The following USH2A variants were observed in gnomAD, a reference collection of about 807,000 sequenced individuals.
USH2A encodes the protein usherin.
A neutral mutation model predicts 538.9 loss-of-function variants in USH2A; 443 were observed. The ratio of observed to expected loss-of-function variants is 0.82; its 90% CI spans 0.76 to 0.89. USH2A has a LOEUF of 0.89. Ranked by LOEUF, USH2A falls within the 40% of genes least tolerant of loss-of-function variation. The pLI is 0.00. For synonymous variants in USH2A, 2,413 were observed against 2,273.5 expected, an observed-to-expected ratio of 1.06 and a Z score of -1.75; for missense variants, 6,633 against 6,324.8, an observed-to-expected ratio of 1.05 and a Z score of -1.65.
chr1:216,028,565 A>C (rs1669023049), intron 32 of USH2A, among the ~76,000 whole-genome samples: 1 of 152,194 alleles, frequency 6.6e-6, no homozygotes, highest in East Asian at 1.9e-4. Context: ...GCTGGAAAAT[A>C]TATCTAAATT....
chr1:215,876,614 G>C (rs1405503375), intron 43 of USH2A, among the ~76,000 whole-genome samples: 1 of 152,126 alleles, frequency 6.6e-6, no homozygotes, highest in African/African-American at 2.4e-5. Flanking sequence ...GTGGTGTTTA[G>C]ACAAGCAGTC....
chr1:215,813,740 T>C lies in USH2A; in HGVS notation c.9735A>G (p.Leu3245=), dbSNP rs1264688863. The C allele has an allele frequency of 6.2e-7, 1 of 1,613,816 alleles. No homozygotes were observed. The highest frequency in any genetic ancestry group is 8.5e-7 in the Non-Finnish European group (1 of 1,179,800). ...QCCSGYYARI[L]PGEVCCPDEQ... The stretch of plus-strand genomic sequence containing the variant: ...ACACCTGGAAATAACCCTCACCTGG[T>C]AGAATTCTAGCGTAATACCCAGAGC... The change falls in exon 49 of 72, where the codon CTA becomes CTG. Residue 3245 remains leucine, a synonymous_variant. Coordinates refer to ENST00000307340, the MANE Select transcript of USH2A (RefSeq NM_206933.4).
intron 21 of USH2A, among the ~76,000 whole-genome samples, chr1:216,154,541 T>G (rs2033901079): frequency 6.6e-6 from 1 of 152,192 alleles, no homozygotes; most frequent in Non-Finnish European, 1.5e-5. Context: ...AGATAAAAAT[T>G]TACATATATA....
intron 30 of USH2A, among the ~76,000 whole-genome samples, chr1:216,063,549 T>C (rs1368352022): frequency 1.3e-5 from 2 of 152,112 alleles, no homozygotes; most frequent in South Asian, 2.1e-4. Flanking sequence ...ATAGTACACA[T>C]TGGCAAGAAA....
chr1:216,274,385 A>G (rs1220683270), intron 11 of USH2A, among the ~76,000 whole-genome samples: 2 of 152,100 alleles, frequency 1.3e-5, no homozygotes, highest in African/African-American at 4.8e-5. Context: ...CAAAAAATCT[A>G]TATCTATATT....
intron 21 of USH2A, among the ~76,000 whole-genome samples, chr1:216,106,233 A>G (rs553627077): frequency 2.0e-4 from 30 of 147,434 alleles, no homozygotes; most frequent in Non-Finnish European, 1.0e-4. Context: ...TATATTAAAT[A>G]TATATTGTAT....
intron 47 of USH2A, among the ~76,000 whole-genome samples, chr1:215,837,753 C>G (rs977931888): frequency 3.9e-5 from 6 of 152,092 alleles, no homozygotes; most frequent in African/African-American, 1.4e-4. Context: ...CAAGTATTTG[C>G]TTACAGGTTA....
chr1:216,153,264 G>C (rs2033875233), intron 21 of USH2A, among the ~76,000 whole-genome samples: 1 of 152,176 alleles, frequency 6.6e-6, no homozygotes, highest in Non-Finnish European at 1.5e-5. Flanking sequence ...ACAGCTAAAA[G>C]GGCATTGTAA....
intron 64 of USH2A, among the ~76,000 whole-genome samples, chr1:215,661,830 C>T (rs1657445229): frequency 6.6e-6 from 1 of 152,166 alleles, no homozygotes; most frequent in South Asian, 2.1e-4. Context: ...ATAAGAGTGG[C>T]CTTTAGAGTT....
At chr1:215,751,769 G>A (rs1274691293) in intron 58 of USH2A, among the ~76,000 whole-genome samples, 2 of 152,060 alleles carry the variant, frequency 1.3e-5, no homozygotes, top group Non-Finnish European at 2.9e-5. Context: ...AATAATCTAA[G>A]GTTGTTTACA....
chr1:215,630,698 C>T (rs2102627596), intron 70 of USH2A, among the ~76,000 whole-genome samples: 1 of 150,840 alleles, frequency 6.6e-6, no homozygotes, highest in South Asian at 2.1e-4. Flanking sequence ...ACTAAAAATA[C>T]AAAAATTAGC....
chr1:216,246,824 C>CCA lies in USH2A; in HGVS notation c.2568_2569dup (p.Gly857ValfsTer17). 6.2e-7 allele frequency: 1 copy of CCA among 1,614,130 alleles called. No homozygotes were observed. The highest frequency in any genetic ancestry group is 8.5e-7 in the Non-Finnish European group (1 of 1,179,974). On this transcript the variant is annotated frameshift_variant, in exon 13 of 72. Transcript: ENST00000307340. LOFTEE classifies it high-confidence loss of function. ...TGTTGATTTGTTACACAGCAGAGAG[C>CCA]CATTTATTGTCCCAGTCTTATCACA...
chr1:215,714,955 C>A (rs183586299), intron 61 of USH2A, among the ~76,000 whole-genome samples: 1 of 152,140 alleles, frequency 6.6e-6, no homozygotes, highest in Non-Finnish European at 1.5e-5. Flanking sequence ...TAATATCATG[C>A]CCCAAATAGG....
At chr1:215,989,886 C>G (rs1441471146) in intron 35 of USH2A, among the ~76,000 whole-genome samples, 9 of 151,716 alleles carry the variant, frequency 5.9e-5, no homozygotes, top group Admixed American at 3.3e-4. Flanking sequence ...TAGTAAATAC[C>G]CAGGGGTATT....
rs190110177 is a variant in USH2A at position 216,022,401 on chromosome 1, A to G, written c.6326-21839T>C. Among the ~76,000 whole-genome samples, 19 of 152,260 alleles carry G rather than the reference A, an allele frequency of 1.2e-4. No homozygotes were observed. In the South Asian group the frequency reaches 1.9e-3, roughly 15 times the overall value. ...TTGTGAACAACGTGGGAGATAACCC[A>G]GCGAAAGCCCATGCACTGGAAAACA... On this transcript the variant is annotated intron_variant, in intron 32 of 71. Transcript: ENST00000307340.
intron 40 of USH2A, 93 bp downstream of exon 40, chr1:215,899,982 G>A: frequency 1.3e-6 from 2 of 1,572,118 alleles, no homozygotes; most frequent in South Asian, 2.2e-5. Context: ...AAGTAAATAA[G>A]GGAGGCTCAT....
intron 4 of USH2A, among the ~76,000 whole-genome samples, chr1:216,329,670 C>T (rs912113120): frequency 6.6e-6 from 1 of 152,008 alleles, no homozygotes; most frequent in African/African-American, 2.4e-5. Flanking sequence ...GCTCTCTCAG[C>T]CCTAAGGTTC....
At chr1:215,993,275 C>G in intron 34 of USH2A, 108 bp from the exon 35 acceptor site, 1 of 1,495,936 alleles carries the variant, frequency 6.7e-7, no homozygotes, top group Non-Finnish European at 9.3e-7. Context: ...TTATATAGTG[C>G]TACCTTTACT....
At chr1:215,900,719 A>G in intron 39 of USH2A, 36 bp downstream of exon 39, 1 of 1,613,168 alleles carries the variant, frequency 6.2e-7, no homozygotes, top group Non-Finnish European at 8.5e-7. Context: ...ATATTGTATA[A>G]CCCAGCTGAT....
Sources: allele counts gnomAD v4.1 joint callset (sites outside exome capture counted in the v4.1 genomes callset), GRCh38; gene constraint gnomAD v4.1.1; transcripts MANE v1.5; gene names NCBI Gene and HGNC (gene_info 2026-07-23, HGNC 2026-07-21).